Variants in SRGAP3 observed in about 807,000 individuals in gnomAD.
SRGAP3 encodes SLIT-ROBO Rho GTPase activating protein 3.
In SRGAP3, 39 loss-of-function variants were observed where a neutral mutation model predicts 121.1. That is an observed-to-expected ratio of 0.32 (90% CI 0.25 to 0.42). The LOEUF (loss-of-function observed/expected upper bound fraction) is 0.42, where lower values mean the gene tolerates loss of function less well. Among genes scored for constraint, SRGAP3 ranks in the 10% least tolerant of loss-of-function variants. SRGAP3 has a pLI of 1.00. For missense variants in SRGAP3, 1,213 were observed against 1,470.6 expected, an observed-to-expected ratio of 0.82 and a Z score of 2.86; for synonymous variants, 601 against 570.0, an observed-to-expected ratio of 1.05 and a Z score of -0.77.
intron 4 of SRGAP3, among the ~76,000 whole-genome samples, chr3:9,070,150 T>A (rs917655974): frequency 2.0e-5 from 3 of 152,214 alleles, no homozygotes; most frequent in Non-Finnish European, 2.9e-5. Context: ...CAAAGTGTTA[T>A]CTGTACCATC....
At chr3:8,995,136 G>T (rs1260558189) in intron 18 of SRGAP3, among the ~76,000 whole-genome samples, 2 of 152,098 alleles carry the variant, frequency 1.3e-5, no homozygotes, top group Admixed American at 6.5e-5. Context: ...GTTAAATGAG[G>T]TCATAATGGT....
At chr3:9,298,516 C>T (rs1954992458) in intron 3 of SRGAP3, among the ~76,000 whole-genome samples, 2 of 152,166 alleles carry the variant, frequency 1.3e-5, no homozygotes, top group South Asian at 4.1e-4. Context: ...AACAATTCCA[C>T]CCCTCCCTGT....
At chr3:9,277,437 T>TAA (rs35927463) in intron 3 of SRGAP3, among the ~76,000 whole-genome samples, 148 of 142,888 alleles carry the variant, frequency 1.0e-3, no homozygotes, top group African/African-American at 3.4e-3. Context: ...CCATCTCTAC[T>TAA]AAAAAAAAAA....
chr3:9,006,823 A>G (rs569009214), intron 18 of SRGAP3: 2 of 152,190 alleles, frequency 1.3e-5, no homozygotes, highest in South Asian at 4.1e-4. Flanking sequence ...TCATTTTTTC[A>G]TTTAGTCAAG....
At chr3:9,150,720 C>A (rs1560275726) in intron 1 of SRGAP3, among the ~76,000 whole-genome samples, 1 of 151,818 alleles carries the variant, frequency 6.6e-6, no homozygotes, top group Non-Finnish European at 1.5e-5. Context: ...CAGAGGCAAA[C>A]AAAAGTATGC....
At chr3:9,346,961 G>A (rs902522683) in intron 1 of SRGAP3, among the ~76,000 whole-genome samples, 3 of 151,920 alleles carry the variant, frequency 2.0e-5, no homozygotes, top group African/African-American at 7.3e-5. Flanking sequence ...TTACCATGTT[G>A]GCCAGGCTAG....
intron 14 of SRGAP3, among the ~76,000 whole-genome samples, chr3:9,017,288 C>T (rs2125044371): frequency 6.6e-6 from 1 of 152,114 alleles, no homozygotes; most frequent in Admixed American, 6.5e-5. Flanking sequence ...GTTTTCATTA[C>T]CTTCACTTAT....
chr3:9,114,811 AT>A (rs1948746979), intron 2 of SRGAP3, among the ~76,000 whole-genome samples: 1 of 152,112 alleles, frequency 6.6e-6, no homozygotes, highest in Non-Finnish European at 1.5e-5. Context: ...TGGCTTCCTG[AT>A]TGTTTGGTGC....
In SRGAP3 at chr3:8,983,226, GC is replaced by G. The variant is rs1941511292; in HGVS notation, c.*2292del. The G allele has an allele frequency of 4.4e-6, 1 of 226,962 alleles. No homozygotes were observed. The highest frequency in any genetic ancestry group is 1.8e-4 in the South Asian group (1 of 5,472). 14.1% of individuals were successfully genotyped at this position (226,962 alleles called of 1,614,324 possible). On this transcript the variant is annotated 3_prime_UTR_variant, in exon 22 of 22. Coordinates refer to ENST00000383836, the MANE Select transcript of SRGAP3 (RefSeq NM_014850.4). ...CAAATCTTGGGCAGGTCACAGCACA[GC>G]CCAAGGCCTTACTCTCTTAAGCTGT...
rs573626123 is a variant in SRGAP3, at chr3:9,077,858, G to T, written c.486+2167C>A. The stretch of plus-strand genomic sequence containing the variant: ...AAACCACAGAAAGGTGACCATCCCT[G>T]TTTGTCACAGGTGAAACTGACAAGT... On this transcript the variant is annotated intron_variant, in intron 4 of 21. Coordinates refer to ENST00000383836, the MANE Select transcript of SRGAP3 (RefSeq NM_014850.4). Among the ~76,000 whole-genome samples the T allele has an allele frequency of 2.0e-5, 3 of 152,316 alleles. No individual in the cohort carries two copies. The East Asian group carries it at 5.8e-4, about 29-fold the overall frequency.
chr3:9,295,576 A>G (rs1035152793), intron 3 of SRGAP3, among the ~76,000 whole-genome samples: 1 of 152,232 alleles, frequency 6.6e-6, no homozygotes, highest in African/African-American at 2.4e-5. Flanking sequence ...AAAATGGAAA[A>G]TAATGTCACA....
intron 1 of SRGAP3, among the ~76,000 whole-genome samples, chr3:9,344,349 G>A (rs992195951): frequency 6.6e-6 from 1 of 152,198 alleles, no homozygotes; most frequent in African/African-American, 2.4e-5. Flanking sequence ...CAGCTATTCA[G>A]GAGGCTGAGG....
chr3:9,339,827 A>G (rs1955751601), intron 1 of SRGAP3, among the ~76,000 whole-genome samples: 1 of 152,172 alleles, frequency 6.6e-6, no homozygotes, highest in African/African-American at 2.4e-5. Flanking sequence ...CTGGGGCATG[A>G]TGCAGGAAGG....
intron 1 of SRGAP3, among the ~76,000 whole-genome samples, chr3:9,127,140 A>G (rs911542416): frequency 6.6e-6 from 1 of 151,402 alleles, no homozygotes; most frequent in African/African-American, 2.4e-5. Flanking sequence ...TGGGAAACAT[A>G]GGGAGACCTC....
chr3:9,033,955 A>G (rs949625422), intron 11 of SRGAP3: 5 of 152,162 alleles, frequency 3.3e-5, no homozygotes, highest in African/African-American at 4.8e-5. Flanking sequence ...CCAAGGACTC[A>G]TCTACCCCAG....
chr3:9,032,613 G>A, intron 12 of SRGAP3, 37 bp downstream of exon 12: 1 of 1,581,588 alleles, frequency 6.3e-7, no homozygotes. Context: ...CATTACATTG[G>A]GTGCATTCGC....
intron 3 of SRGAP3, among the ~76,000 whole-genome samples, chr3:9,294,317 A>C (rs958633611): frequency 3.9e-5 from 6 of 152,204 alleles, no homozygotes; most frequent in African/African-American, 1.4e-4. Context: ...GTGGGAGCTA[A>C]ATGATGAGAA....
At chr3:9,130,831 C>T (rs1269123859) in intron 1 of SRGAP3, among the ~76,000 whole-genome samples, 1 of 152,224 alleles carries the variant, frequency 6.6e-6, no homozygotes, top group Non-Finnish European at 1.5e-5. Flanking sequence ...CAGGAGATGA[C>T]ATTCTCATAT....
In SRGAP3 at chr3:9,281,348, C is replaced by G. The variant is rs578222435; in HGVS notation, n.442+44662G>C. Among the ~76,000 whole-genome samples, 6 of 152,230 alleles carry G rather than the reference C, an allele frequency of 3.9e-5. No individual in the cohort carries two copies. The South Asian group carries it at 1.0e-3, about 26-fold the overall frequency. ...ACTCTCTCTGATCCCATTTGTTTTACAGATCGGAAAACAGACTCATGAAAA... is the reference window on the plus strand; with the variant it reads ...ACTCTCTCTGATCCCATTTGTTTTAGAGATCGGAAAACAGACTCATGAAAA... On this transcript the variant is annotated intron_variant and non_coding_transcript_variant, in intron 3 of 3. Transcript: ENST00000490889.
Sources: gnomAD v4.1 joint callset for allele counts (sites outside exome capture counted in the v4.1 genomes callset) on GRCh38, gnomAD v4.1.1 for gene constraint, MANE v1.5 for transcripts, NCBI Gene and HGNC (gene_info 2026-07-23, HGNC 2026-07-21) for gene names.